PTPRM: variants seen among roughly 807,000 people sequenced by gnomAD.
PTPRM encodes receptor-type tyrosine-protein phosphatase mu.
PTPRM carries 47 observed loss-of-function variants against 186.7 expected under a neutral mutation model. The observed-to-expected ratio is 0.25, with a 90% CI of 0.20 to 0.32. The LOEUF (loss-of-function observed/expected upper bound fraction) is 0.32, where lower values mean the gene tolerates loss of function less well. Ranked by LOEUF, PTPRM falls within the 10% of genes least tolerant of loss-of-function variation. PTPRM has a pLI of 1.00. For missense variants in PTPRM, 1,494 were observed against 1,865.0 expected, an observed-to-expected ratio of 0.80 and a Z score of 3.66; for synonymous variants, 668 against 674.9, an observed-to-expected ratio of 0.99 and a Z score of 0.16.
chr18:8,150,534 T>A (rs961228484), intron 14 of PTPRM, among the ~76,000 whole-genome samples: 1 of 152,198 alleles, frequency 6.6e-6, no homozygotes, highest in Non-Finnish European at 1.5e-5. Flanking sequence ...ATTATTCTAG[T>A]TAGCAATTTG....
chr18:8,165,742 G>A (rs1273318723), intron 14 of PTPRM, among the ~76,000 whole-genome samples: 1 of 152,176 alleles, frequency 6.6e-6, no homozygotes, highest in Non-Finnish European at 1.5e-5. Context: ...AACAGTGAGG[G>A]TGGCACAAAT....
intron 1 of PTPRM, among the ~76,000 whole-genome samples, chr18:7,733,271 G>C (rs975550978): frequency 6.6e-6 from 1 of 151,932 alleles, no homozygotes; most frequent in African/African-American, 2.4e-5. Flanking sequence ...GGTGTGTGTT[G>C]TTCTCCTCCT....
At chr18:8,255,044 T>A (rs1000700274) in intron 19 of PTPRM, among the ~76,000 whole-genome samples, 1 of 152,256 alleles carries the variant, frequency 6.6e-6, no homozygotes, top group Non-Finnish European at 1.5e-5. Flanking sequence ...AGCAATTCAA[T>A]GTGTAAATTC....
In PTPRM at chr18:8,113,682, A is replaced by G. The variant is rs2091848742; in HGVS notation, c.2053A>G (p.Asn685Asp). Residue 685 changes from asparagine to aspartate, a missense_variant, in exon 12 of 33, where the codon AAT becomes GAT. Physicochemically the swap from Asn to Asp is conservative, Grantham distance 23. Around this residue, in one of 3 missense-constraint regions of PTPRM, gnomAD observed 1,107 missense variants for 1,350.2 expected, o/e 0.82. Transcript: ENST00000580170. Reference protein sequence around the residue: ...PFTIGDNKTYNGYWNTPLLPY... With the variant: ...PFTIGDNKTYDGYWNTPLLPY... ...TACAATTGGTGATAATAAGACATAT[A>G]ATGGATACTGGAACACTCCCCTTCT... The G allele has an allele frequency of 1.9e-6, 3 of 1,613,788 alleles. No homozygotes were observed. The highest frequency in any genetic ancestry group is 2.5e-6 in the Non-Finnish European group (3 of 1,179,676).
chr18:7,606,553 G>A (rs1053746254), intron 1 of PTPRM, among the ~76,000 whole-genome samples: 1 of 152,044 alleles, frequency 6.6e-6, no homozygotes, highest in African/African-American at 2.4e-5. Flanking sequence ...ATTCATCCAA[G>A]GGTAAATATT....
intron 2 of PTPRM, among the ~76,000 whole-genome samples, chr18:7,779,557 T>A (rs1246370049): frequency 6.6e-6 from 1 of 152,232 alleles, no homozygotes; most frequent in African/African-American, 2.4e-5. Context: ...ACAAAGTAAT[T>A]GAAGTTTTCT....
chr18:7,914,122 A>G (rs2050421538), intron 4 of PTPRM, among the ~76,000 whole-genome samples: 1 of 152,178 alleles, frequency 6.6e-6, no homozygotes, highest in African/African-American at 2.4e-5. Flanking sequence ...ACAAAGCACA[A>G]ATTAGAATTG....
At chr18:8,089,037 G>T (rs530877108) in intron 11 of PTPRM, among the ~76,000 whole-genome samples, 186 bp downstream of exon 11, 1 of 152,320 alleles carries the variant, frequency 6.6e-6, no homozygotes, top group South Asian at 2.1e-4. Flanking sequence ...AGGTGATCAA[G>T]TATTGTTTAA....
At chr18:8,397,220 G>A (rs142034262) in intron 32 of PTPRM, among the ~76,000 whole-genome samples, 1 of 152,376 alleles carries the variant, frequency 6.6e-6, no homozygotes, top group East Asian at 1.9e-4. Flanking sequence ...CACATGTGTG[G>A]CTGCATTCCC....
chr18:7,890,699 G>A (rs1050815821), intron 3 of PTPRM, among the ~76,000 whole-genome samples: 1 of 152,002 alleles, frequency 6.6e-6, no homozygotes, highest in East Asian at 1.9e-4. Flanking sequence ...AAGAGTGATT[G>A]CAAATAATTA....
intron 11 of PTPRM, among the ~76,000 whole-genome samples, chr18:8,092,178 T>A (rs1376409173): frequency 6.6e-6 from 1 of 152,190 alleles, no homozygotes; most frequent in Non-Finnish European, 1.5e-5. Flanking sequence ...TTGGTTCATG[T>A]AGATTCTTGA....
chr18:8,355,787 G>A (rs1353057936), intron 23 of PTPRM, among the ~76,000 whole-genome samples: 1 of 152,240 alleles, frequency 6.6e-6, no homozygotes, highest in Non-Finnish European at 1.5e-5. Flanking sequence ...AAATGTTGAT[G>A]TGAAGAGTAA....
intron 11 of PTPRM, among the ~76,000 whole-genome samples, chr18:8,090,910 A>C (rs111722634): frequency 0.035 from 5,339 of 152,216 alleles, 194 homozygotes; most frequent in African/African-American, 0.098. Context: ...TAAATTTTAA[A>C]ATAATTGCTC....
chr18:7,911,187 A>G (rs2050244861), intron 4 of PTPRM, among the ~76,000 whole-genome samples: 1 of 152,244 alleles, frequency 6.6e-6, no homozygotes, highest in Admixed American at 6.5e-5. Flanking sequence ...GTTGATGGAC[A>G]TTCAGGTTGT....
chr18:7,611,464 A>G (rs1241111114), intron 1 of PTPRM, among the ~76,000 whole-genome samples: 1 of 152,106 alleles, frequency 6.6e-6, no homozygotes, highest in Non-Finnish European at 1.5e-5. Context: ...ATATTTTTCT[A>G]TGTTTAGATA....
At chr18:7,694,371 TTGATTAGG>T (rs2039796579) in intron 1 of PTPRM, among the ~76,000 whole-genome samples, 1 of 152,052 alleles carries the variant, frequency 6.6e-6, no homozygotes, top group African/African-American at 2.4e-5. Context: ...GCCTTTGAAT[TTGATTAGG>T]TGTAGACAGT....
At chr18:8,239,122 T>A (rs1304644062) in intron 14 of PTPRM, among the ~76,000 whole-genome samples, 8 of 148,096 alleles carry the variant, frequency 5.4e-5, no homozygotes, top group Non-Finnish European at 7.5e-5. Flanking sequence ...ATTAGGTATA[T>A]CTCCTAATGC....
intron 14 of PTPRM, among the ~76,000 whole-genome samples, chr18:8,231,448 A>G (rs2094285279): frequency 6.6e-6 from 1 of 152,186 alleles, no homozygotes; most frequent in African/African-American, 2.4e-5. Flanking sequence ...AGTTGGCAGC[A>G]ATTTGTCCTG....
chr18:7,921,731 G>GTT (rs113453203), intron 4 of PTPRM, among the ~76,000 whole-genome samples: 1 of 150,984 alleles, frequency 6.6e-6, no homozygotes, highest in Non-Finnish European at 1.5e-5. Context: ...CAAGATTTCT[G>GTT]TTTTTTTTTG....
Sources: gnomAD v4.1 joint callset for allele counts (sites outside exome capture counted in the v4.1 genomes callset) on GRCh38, gnomAD v4.1.1 for gene constraint, gnomAD v4.1.1 regional missense constraint, MANE v1.5 for transcripts, NCBI Gene and HGNC (gene_info 2026-07-23, HGNC 2026-07-21) for gene names.